The following ADGRF5 variants were observed in gnomAD, a reference collection of about 807,000 sequenced individuals.
ADGRF5 encodes the protein adhesion G protein-coupled receptor F5, also known as G-protein coupled receptor 116.
Under a neutral mutation model 132.3 loss-of-function variants are expected in ADGRF5, and 75 were observed. The observed-to-expected ratio is 0.57, with a 90% CI of 0.47 to 0.69. The LOEUF is 0.69. ADGRF5 is among the 30% of genes least tolerant of loss of function. The pLI is 0.00. For missense variants in ADGRF5, 1,516 were observed against 1,630.6 expected (o/e 0.93, Z 1.21); for synonymous variants, 629 against 597.6 (o/e 1.05, Z -0.77).
At chr6:46,918,317 A>G (rs1776600978) in intron 1 of ADGRF5, among the ~76,000 whole-genome samples, 1 of 152,190 alleles carries the variant, frequency 6.6e-6, no homozygotes, top group Non-Finnish European at 1.5e-5. Context: ...AGTCCTCTCT[A>G]TCAAGGAGAC....
intron 1 of ADGRF5, among the ~76,000 whole-genome samples, chr6:46,953,084 G>C (rs897423897): frequency 6.6e-5 from 10 of 152,200 alleles, no homozygotes; most frequent in Non-Finnish European, 4.4e-5. Flanking sequence ...GTCAGATACT[G>C]AGAGGGTGAG....
intron 1 of ADGRF5, among the ~76,000 whole-genome samples, chr6:46,943,913 T>C (rs1413500927): frequency 6.6e-6 from 1 of 152,202 alleles, no homozygotes; most frequent in Non-Finnish European, 1.5e-5. Flanking sequence ...GCGGGAAGAA[T>C]GTTCCTGCAA....
At chr6:46,941,436 GAAAAGAAAAGA>G (rs1778070713) in intron 1 of ADGRF5, among the ~76,000 whole-genome samples, 12 of 55,002 alleles carry the variant, frequency 2.2e-4, no homozygotes, top group African/African-American at 4.5e-4. Flanking sequence ...GAAAAGAAAA[GAAAAGAAAAGA>G]AAAGAAAAGA....
upstream of ADGRF5, among the ~76,000 whole-genome samples, chr6:46,922,607 C>T (rs967043884): frequency 6.6e-6 from 1 of 152,166 alleles, no homozygotes; most frequent in African/African-American, 2.4e-5. Context: ...TGGAAGTGAC[C>T]TCACTGATCC....
At chr6:46,890,303 G>A (rs1773518283) in intron 3 of ADGRF5, among the ~76,000 whole-genome samples, 1 of 151,922 alleles carries the variant, frequency 6.6e-6, no homozygotes, top group African/African-American at 2.4e-5. Context: ...ATGTTGCCCA[G>A]GCTTGTTTTG....
intron 1 of ADGRF5, among the ~76,000 whole-genome samples, chr6:46,953,956 A>G (rs2113851862): frequency 6.6e-6 from 1 of 152,136 alleles, no homozygotes; most frequent in South Asian, 2.1e-4. Flanking sequence ...AAAACATAAG[A>G]TGACAAAAAA....
chr6:46,941,481 AAAAG>A (rs1778085637), intron 1 of ADGRF5, among the ~76,000 whole-genome samples: 7 of 121,506 alleles, frequency 5.8e-5, no homozygotes, highest in Non-Finnish European at 9.2e-5. Flanking sequence ...AAAAGAAAAG[AAAAG>A]AAAGAAAAGA....
At chr6:46,913,188 G>A (rs748921970) in intron 1 of ADGRF5, among the ~76,000 whole-genome samples, 15 of 152,034 alleles carry the variant, frequency 9.9e-5, no homozygotes, top group Admixed American at 3.3e-4. Flanking sequence ...CAAGGAAACC[G>A]GGGAAAGTCA....
chr6:46,862,154 C>T (rs1020911733), intron 15 of ADGRF5, among the ~76,000 whole-genome samples: 4 of 152,034 alleles, frequency 2.6e-5, no homozygotes, highest in African/African-American at 9.7e-5. Context: ...ATAAGTATTA[C>T]CCTTTTTTTC....
In ADGRF5 at chr6:46,941,416, G is replaced by GAAAAGAAAAGAAAAGAA. The variant is rs1561838700; in HGVS notation, c.-25+13301_-25+13317dup. ...GAAAAGAAAAGAAAAGAAAAGAAAA[G>GAAAAGAAAAGAAAAGAA]AAAAGAAAAGAAAAGAAAAGAAAAG... On this transcript the variant is annotated intron_variant, in intron 1 of 20. Coordinates refer to the ADGRF5 transcript ENST00000265417. 7.8e-4 allele frequency among the ~76,000 whole-genome samples: 28 copies of GAAAAGAAAAGAAAAGAA among 36,056 alleles called. 2 individuals are homozygous for GAAAAGAAAAGAAAAGAA. Among genetic ancestry groups the GAAAAGAAAAGAAAAGAA allele is most frequent in the East Asian group, 4.3e-3 (3 of 698 alleles). 23.7% of individuals were successfully genotyped at this position (36,056 alleles called of 152,430 possible). A position where few individuals can be genotyped will look rare whatever the true frequency, so the allele number is the denominator to read the frequency against.
intron 1 of ADGRF5, among the ~76,000 whole-genome samples, chr6:46,936,616 C>G (rs1777841399): frequency 6.6e-6 from 1 of 152,138 alleles, no homozygotes; most frequent in Admixed American, 6.5e-5. Context: ...TGTTCTAGGC[C>G]CTGGGGATAA....
At chr6:46,930,730 C>T (rs1277572724) in intron 1 of ADGRF5, among the ~76,000 whole-genome samples, 1 of 152,136 alleles carries the variant, frequency 6.6e-6, no homozygotes, top group Admixed American at 6.5e-5. Context: ...GTATCCTTGC[C>T]TCATATTTCA....
chr6:46,888,082 A>T, intron 4 of ADGRF5: 1 of 377,022 alleles, frequency 2.7e-6, no homozygotes, highest in East Asian at 4.6e-5. Flanking sequence ...TCTTGGGATC[A>T]CTTTATGACA....
chr6:46,857,763 T>C (rs1769223678), intron 17 of ADGRF5, among the ~76,000 whole-genome samples: 2 of 111,074 alleles, frequency 1.8e-5, no homozygotes, highest in Admixed American at 2.1e-4. Context: ...AGAGGTATAG[T>C]GATGAACAAG....
chr6:46,860,647 C>A (rs1769630273), intron 16 of ADGRF5, 68 bp downstream of exon 16: 3 of 1,175,308 alleles, frequency 2.6e-6, no homozygotes, highest in South Asian at 2.8e-5. Context: ...AATTACGTTT[C>A]TTGAATACAA....
At chr6:46,936,111 G>A (rs1314926136) in intron 1 of ADGRF5, among the ~76,000 whole-genome samples, 1 of 152,072 alleles carries the variant, frequency 6.6e-6, no homozygotes, top group East Asian at 1.9e-4. Context: ...ACAGTGTGTC[G>A]GGTCCTGCTC....
At chr6:46,949,492 G>C (rs1321484459) in intron 1 of ADGRF5, among the ~76,000 whole-genome samples, 1 of 152,224 alleles carries the variant, frequency 6.6e-6, no homozygotes, top group Non-Finnish European at 1.5e-5. Context: ...GAAAAGGAAA[G>C]ATGGGTAGAA....
intron 1 of ADGRF5, among the ~76,000 whole-genome samples, chr6:46,930,863 G>C (rs1053195839): frequency 6.6e-6 from 1 of 152,020 alleles, no homozygotes; most frequent in African/African-American, 2.4e-5. Context: ...AACCAGCCTG[G>C]GCAACATGGT....
At position 46,859,287 on chromosome 6, in the gene ADGRF5, G is replaced by A. The variant is rs1769441808; in HGVS notation, c.2616C>T (p.Phe872=). ...CATTGCCCCAGAGGTCAAAGTATGG[G>A]AAAACAAACCTCTGTTGATAGGTTT... The part of the protein sequence containing the change: ...HPETYQQRFV[F]PYFDLWGNVV... Residue 872 remains phenylalanine (F), a synonymous_variant, in exon 17 of 21, where the codon TTC becomes TTT. Transcript: ENST00000283296. The A allele has an allele frequency of 6.2e-7, 1 of 1,613,998 alleles. No individual in the cohort carries two copies. Among genetic ancestry groups the A allele is most frequent in the Non-Finnish European group, 8.5e-7 (1 of 1,179,892 alleles).
Sources: gnomAD v4.1 joint callset for allele counts (sites outside exome capture counted in the v4.1 genomes callset) on GRCh38, gnomAD v4.1.1 for gene constraint, MANE v1.5 for transcripts, NCBI Gene and HGNC (gene_info 2026-07-23, HGNC 2026-07-21) for gene names.